SERINC5: variants seen among roughly 807,000 people sequenced by gnomAD.
SERINC5 encodes the protein serine incorporator 5.
Under a neutral mutation model 63.1 loss-of-function variants are expected in SERINC5, and 41 were observed. That is an observed-to-expected ratio of 0.65 (90% confidence interval 0.51 to 0.84). SERINC5 has a LOEUF of 0.84. Ranked by LOEUF, SERINC5 falls within the 40% of genes least tolerant of loss-of-function variation. The probability of loss-of-function intolerance (pLI) is 0.00; values close to 1 mark genes in which losing one functional copy is unlikely to be tolerated. For missense variants in SERINC5, 523 were observed against 573.0 expected (o/e 0.91, Z 0.89); for synonymous variants, 222 against 215.2 (o/e 1.03, Z -0.28).
intron 1 of SERINC5, among the ~76,000 whole-genome samples, chr5:80,225,720 T>C (rs1446576814): frequency 2.0e-5 from 3 of 152,114 alleles, no homozygotes; most frequent in Non-Finnish European, 4.4e-5. Context: ...ACCTGTGTAA[T>C]ATGCACTCAC....
At chr5:80,134,164 G>C (rs1177608157), downstream of SERINC5, among the ~76,000 whole-genome samples, 1 of 152,122 alleles carries the variant, frequency 6.6e-6, no homozygotes, top group East Asian at 1.9e-4. Context: ...TTTGTTCAGG[G>C]AAAGGGCTGG....
intron 1 of SERINC5, among the ~76,000 whole-genome samples, chr5:80,237,694 T>C (rs1751758277): frequency 6.6e-6 from 1 of 151,028 alleles, no homozygotes; most frequent in South Asian, 2.1e-4. Flanking sequence ...GAAAGGCAAA[T>C]GAAATGAGCA....
intron 3 of SERINC5, 127 bp downstream of exon 3, chr5:80,177,759 C>T: frequency 2.7e-6 from 2 of 749,546 alleles, no homozygotes; most frequent in Non-Finnish European, 4.3e-6. Context: ...ATTCCACCTT[C>T]CCCTAAATCA....
At chr5:80,135,251 C>A (rs1314117336), downstream of SERINC5, among the ~76,000 whole-genome samples, 1 of 152,180 alleles carries the variant, frequency 6.6e-6, no homozygotes, top group African/African-American at 2.4e-5. Flanking sequence ...CCAGGCTGGT[C>A]TTGAACTCCC....
At chr5:80,198,120 G>A (rs1164943742) in intron 2 of SERINC5, among the ~76,000 whole-genome samples, 1 of 152,054 alleles carries the variant, frequency 6.6e-6, no homozygotes, top group Non-Finnish European at 1.5e-5. Context: ...TTACAGGCAT[G>A]AGCCACCACA....
intron 1 of SERINC5, among the ~76,000 whole-genome samples, chr5:80,219,890 A>AC (rs1358491752): frequency 1.3e-5 from 2 of 152,152 alleles, no homozygotes; most frequent in African/African-American, 4.8e-5. Flanking sequence ...GCTACACACA[A>AC]CCAAGTACGG....
In SERINC5 at chr5:80,150,767, T is replaced by G. The variant is rs1010515877; in HGVS notation, c.1053+115A>C. On this transcript the variant is annotated intron_variant, in intron 9 of 11. Coordinates refer to ENST00000507668, the MANE Select transcript of SERINC5 (RefSeq NM_001174072.3). The stretch of plus-strand genomic sequence containing the variant: ...TATTTTTCTATACAAAAATCTTTCC[T>G]CAGCAGAAAAACAGGATCACGGAAT... 1.1e-5 allele frequency: 9 copies of G among 805,406 alleles called. No individual in the cohort carries two copies. In the South Asian group the frequency reaches 1.3e-4, roughly 11 times the overall value. The allele number at this position is 805,406 out of a possible 1,614,324, so 49.9% of individuals were successfully genotyped here.
chr5:80,140,322 A>C lies in SERINC5; in HGVS notation c.*3341T>G. On this transcript the variant is annotated 3_prime_UTR_variant, in exon 12 of 12. Coordinates refer to ENST00000507668, the MANE Select transcript of SERINC5 (RefSeq NM_001174072.3). Reference sequence around the variant, plus strand: ...CCCGTCTCCAAAAAAAAAAAAAAAAAAAAAAAAAAAGGCTTAGGGTGACAA... The same window carrying C: ...CCCGTCTCCAAAAAAAAAAAAAAAACAAAAAAAAAAGGCTTAGGGTGACAA... 1 of 928,502 alleles carries C rather than the reference A, an allele frequency of 1.1e-6. No individual in the cohort carries two copies. 57.5% of individuals were successfully genotyped at this position (928,502 alleles called of 1,614,324 possible). A position where few individuals can be genotyped will look rare whatever the true frequency, so the allele number is the denominator to read the frequency against.
chr5:80,158,774 C>CAA, intron 8 of SERINC5, 62 bp downstream of exon 8: 1 of 1,537,250 alleles, frequency 6.5e-7, no homozygotes, highest in Non-Finnish European at 8.9e-7. Context: ...AAAGTTATTT[C>CAA]AATTCTTTTC....
chr5:80,252,575 A>G (rs950376553), intron 1 of SERINC5, among the ~76,000 whole-genome samples: 2 of 152,232 alleles, frequency 1.3e-5, no homozygotes, highest in South Asian at 2.1e-4. Context: ...CAAAGTGAAT[A>G]TCAGAGTAGA....
At chr5:80,127,336 A>C (rs1292702445) in intron 11 of SERINC5, among the ~76,000 whole-genome samples, 3 of 152,210 alleles carry the variant, frequency 2.0e-5, no homozygotes, top group Non-Finnish European at 2.9e-5. Flanking sequence ...CTGATTCATC[A>C]TATGGTTCTA....
chr5:80,193,848 C>T (rs951651059), intron 2 of SERINC5, among the ~76,000 whole-genome samples: 7 of 152,158 alleles, frequency 4.6e-5, no homozygotes, highest in Non-Finnish European at 7.3e-5. Context: ...ATGTTATCTC[C>T]GGATGAAATT....
chr5:80,226,463 A>G (rs1205858108), intron 1 of SERINC5, among the ~76,000 whole-genome samples: 1 of 152,108 alleles, frequency 6.6e-6, no homozygotes, highest in East Asian at 1.9e-4. Context: ...AGATCTCAGG[A>G]TATCTGGAAT....
chr5:80,177,786 G>C, intron 3 of SERINC5, 100 bp downstream of exon 3: 1 of 892,586 alleles, frequency 1.1e-6, no homozygotes. Flanking sequence ...TCAACTAGAA[G>C]AAGGGCAGTC....
intron 11 of SERINC5, chr5:80,116,337 A>G: frequency 2.2e-6 from 1 of 456,234 alleles, no homozygotes; most frequent in Non-Finnish European, 4.4e-6. Context: ...GGAACAAAAT[A>G]GAAATCAAAA....
intron 1 of SERINC5, among the ~76,000 whole-genome samples, chr5:80,228,225 TGAGGGAGG>T (rs905562735): frequency 8.6e-5 from 8 of 93,524 alleles, no homozygotes; most frequent in African/African-American, 3.3e-4. Context: ...GCAGAGTGAG[TGAGGGAGG>T]GAGGGAGGGA....
At chr5:80,236,244 G>C (rs898908032) in intron 1 of SERINC5, among the ~76,000 whole-genome samples, 4 of 152,084 alleles carry the variant, frequency 2.6e-5, no homozygotes, top group Non-Finnish European at 5.9e-5. Flanking sequence ...CTATAAAAGA[G>C]ATCCTAGGGA....
chr5:80,161,578 T>A (rs1746925585), intron 7 of SERINC5, among the ~76,000 whole-genome samples: 1 of 152,202 alleles, frequency 6.6e-6, no homozygotes. Flanking sequence ...GTTGTTGAAT[T>A]GTGTTCCTTG....
intron 1 of SERINC5, among the ~76,000 whole-genome samples, chr5:80,208,023 C>T (rs17199833): frequency 0.097 from 14,757 of 152,160 alleles, 751 homozygotes; most frequent in East Asian, 0.16. Context: ...ACTTTCAAAA[C>T]TGGAAAAATC....
Sources: gnomAD v4.1 joint callset for allele counts (sites outside exome capture counted in the v4.1 genomes callset) on GRCh38, gnomAD v4.1.1 for gene constraint, MANE v1.5 for transcripts, NCBI Gene and HGNC (gene_info 2026-07-23, HGNC 2026-07-21) for gene names.